Variants in SYN3 observed in about 807,000 individuals in gnomAD.
SYN3 encodes the protein synapsin III, also known as synapsin-3.
In SYN3, 35 loss-of-function variants were observed where a neutral mutation model predicts 65.8. That is an observed-to-expected ratio of 0.53 (90% CI 0.41 to 0.70). The LOEUF is 0.70. Ranked by LOEUF, SYN3 falls within the 30% of genes least tolerant of loss-of-function variation. The pLI is 0.00. For synonymous variants in SYN3, 270 were observed against 292.9 expected, an observed-to-expected ratio of 0.92 and a Z score of 0.80; for missense variants, 680 against 749.0, an observed-to-expected ratio of 0.91 and a Z score of 1.08.
rs1046230572 is a variant in SYN3, at chr22:32,675,307, C to A, written c.712-78571G>T. ...TCTTCCAGACCTGACAAAATACCCT[C>A]ACCTAACACAACCCTGTCCCTGCTT... On this transcript the variant is annotated intron_variant, in intron 6 of 13. Transcript: ENST00000358763. 7.5e-4 allele frequency among the ~76,000 whole-genome samples: 114 copies of A among 152,210 alleles called. 5 individuals carry two copies. The highest frequency in any genetic ancestry group is 2.1e-4 in the Non-Finnish European group (14 of 68,040).
At chr22:32,866,680 G>A (rs1221014183) in intron 5 of SYN3, among the ~76,000 whole-genome samples, 3 of 152,134 alleles carry the variant, frequency 2.0e-5, no homozygotes, top group Non-Finnish European at 4.4e-5. Flanking sequence ...TAAAAGGTGG[G>A]GAAGGGCTAA....
At chr22:32,605,083 C>T (rs1018201960) in intron 6 of SYN3, among the ~76,000 whole-genome samples, 11 of 150,840 alleles carry the variant, frequency 7.3e-5, no homozygotes, top group Admixed American at 2.6e-4. Context: ...CATAGGTGGT[C>T]TGAGGACAGG....
chr22:32,838,842 A>G (rs750826362), intron 6 of SYN3, among the ~76,000 whole-genome samples: 2 of 151,774 alleles, frequency 1.3e-5, no homozygotes, highest in South Asian at 2.1e-4. Context: ...CCTGGCCACA[A>G]TCTAGGCTCT....
intron 6 of SYN3, among the ~76,000 whole-genome samples, chr22:32,644,803 G>C (rs1019097317): frequency 6.6e-6 from 1 of 152,144 alleles, no homozygotes; most frequent in African/African-American, 2.4e-5. Flanking sequence ...GCTGCCTGGG[G>C]CCTCCCAGTG....
chr22:32,748,881 G>C lies in SYN3; in HGVS notation c.711+116034C>G, dbSNP rs34059239. 3.3e-3 allele frequency among the ~76,000 whole-genome samples: 505 copies of C among 152,264 alleles called. 2 individuals carry two copies. Among genetic ancestry groups the C allele is most frequent in the African/African-American group, 0.012 (479 of 41,540 alleles). ...TGAGCCAACCCATGGCACGGTTCTG[G>C]CTTAGCTAGTGACTAAAACTCCATT... On this transcript the variant is annotated intron_variant, in intron 6 of 13. Transcript: ENST00000358763.
chr22:32,507,850 T>C lies in SYN3; in HGVS notation c.*5842A>G, dbSNP rs889690680. On this transcript the variant is annotated 3_prime_UTR_variant, in exon 14 of 14. Transcript: ENST00000358763. ...GTCACCAATCATTCTACACAACAAA[T>C]GTTTCTTCTAACATCCCCACAATAT... Among the ~76,000 whole-genome samples the C allele has an allele frequency of 2.0e-5, 3 of 152,096 alleles. No individual in the cohort carries two copies. Among genetic ancestry groups the C allele is most frequent in the African/African-American group, 7.2e-5 (3 of 41,430 alleles).
intron 1 of SYN3, among the ~76,000 whole-genome samples, chr22:33,026,793 G>C (rs1216782160): frequency 6.6e-6 from 1 of 152,138 alleles, no homozygotes; most frequent in Non-Finnish European, 1.5e-5. Context: ...AGCTGAAAAT[G>C]CTCCCTCAAT....
rs189050643 is a variant in SYN3 at position 32,551,989 on chromosome 22, G to A, written c.775-10276C>T. 5.1e-3 allele frequency among the ~76,000 whole-genome samples: 780 copies of A among 152,308 alleles called. 9 individuals carry two copies. The highest frequency in any genetic ancestry group is 0.018 in the African/African-American group (746 of 41,564). ...CTGAAGGCCAGGTGCGGTGGCTCAC[G>A]TCTGTAATCCCAGCACTTTGGGAGG... On this transcript the variant is annotated intron_variant, in intron 7 of 13. Coordinates refer to ENST00000358763, the MANE Select transcript of SYN3 (RefSeq NM_003490.4).
chr22:32,839,462 T>G (rs942268673), intron 6 of SYN3, among the ~76,000 whole-genome samples: 5 of 152,108 alleles, frequency 3.3e-5, no homozygotes, highest in African/African-American at 1.2e-4. Flanking sequence ...CATTGGACCC[T>G]TAGAAACCCA....
intron 6 of SYN3, among the ~76,000 whole-genome samples, chr22:32,830,779 G>A (rs915748137): frequency 8.5e-5 from 13 of 152,186 alleles, no homozygotes; most frequent in Non-Finnish European, 1.5e-4. Flanking sequence ...GAGTGTATCC[G>A]CCTCACGCTT....
intron 2 of SYN3, 82 bp downstream of exon 2, chr22:33,006,270 C>T (rs934717748): frequency 1.1e-5 from 16 of 1,452,064 alleles, no homozygotes; most frequent in Non-Finnish European, 1.5e-5. Flanking sequence ...ATAGCTCTCC[C>T]CTTCTATTTC....
chr22:32,708,384 T>C (rs2060908726), intron 6 of SYN3, among the ~76,000 whole-genome samples: 1 of 152,184 alleles, frequency 6.6e-6, no homozygotes, highest in Non-Finnish European at 1.5e-5. Context: ...CCCACCACGA[T>C]GTAGTAGGCA....
At position 32,980,628 on chromosome 22, in the gene SYN3, A is replaced by T; in HGVS notation, c.369+17T>A. On this transcript the variant is annotated intron_variant, in intron 3 of 13. Coordinates refer to ENST00000358763, the MANE Select transcript of SYN3 (RefSeq NM_003490.4). Reference sequence around the variant, plus strand: ...AAAAGGTCAGTTGACAGTGCTAAAGACACAGCTCCCACCTACCTGCTCCAC... The same window carrying T: ...AAAAGGTCAGTTGACAGTGCTAAAGTCACAGCTCCCACCTACCTGCTCCAC... The T allele has an allele frequency of 6.2e-7, 1 of 1,613,648 alleles. No individual in the cohort carries two copies. The highest frequency in any genetic ancestry group is 8.5e-7 in the Non-Finnish European group (1 of 1,179,612).
intron 6 of SYN3, among the ~76,000 whole-genome samples, chr22:32,680,198 C>CT (rs2060505130): frequency 6.6e-6 from 1 of 152,202 alleles, no homozygotes; most frequent in African/African-American, 2.4e-5. Flanking sequence ...ATCTCTCATT[C>CT]TAGCCACATC....
At chr22:32,766,519 G>T (rs1463073987) in intron 6 of SYN3, among the ~76,000 whole-genome samples, 4 of 152,176 alleles carry the variant, frequency 2.6e-5, no homozygotes, top group Non-Finnish European at 5.9e-5. Flanking sequence ...CACAGTGAAT[G>T]AAAGCCAAGA....
Position 32,556,809 on chromosome 22 carries a change from T to C in SYN3, c.775-15096A>G, listed in dbSNP as rs1290090851. 1.0e-3 allele frequency among the ~76,000 whole-genome samples: 40 copies of C among 40,046 alleles called. 3 individuals carry two copies. The highest frequency in any genetic ancestry group is 2.3e-3 in the African/African-American group (36 of 15,442). The allele number at this position is 40,046 out of a possible 152,430, so 26.3% of individuals were successfully genotyped here. ...CCCAATCTATAGGTTTCCTGGTTTT[T>C]TTTTTTTTTTTTTTTTTTTTTTTTT... On this transcript the variant is annotated intron_variant, in intron 7 of 13. Transcript: ENST00000358763.
chr22:32,611,295 T>G (rs1056672267), intron 6 of SYN3, among the ~76,000 whole-genome samples: 14 of 147,902 alleles, frequency 9.5e-5, no homozygotes, highest in African/African-American at 2.0e-4. Context: ...TTTTTTTTTT[T>G]TTTTTTTTTT....
At chr22:33,007,080 A>C (rs1284873341) in intron 1 of SYN3, among the ~76,000 whole-genome samples, 1 of 152,264 alleles carries the variant, frequency 6.6e-6, no homozygotes, top group Non-Finnish European at 1.5e-5. Flanking sequence ...GGTTATTTAC[A>C]CTAGCGAAAT....
chr22:32,730,234 T>G (rs995343585), intron 6 of SYN3, among the ~76,000 whole-genome samples: 4 of 152,214 alleles, frequency 2.6e-5, no homozygotes, highest in African/African-American at 2.4e-5. Flanking sequence ...TTTCATCCCA[T>G]TGGCCTGACT....
Sources: gnomAD v4.1 joint callset for allele counts (sites outside exome capture counted in the v4.1 genomes callset) on GRCh38, gnomAD v4.1.1 for gene constraint, MANE v1.5 for transcripts, NCBI Gene and HGNC (gene_info 2026-07-23, HGNC 2026-07-21) for gene names.